TNFRSF11A: variants seen among roughly 807,000 people sequenced by gnomAD.
TNFRSF11A encodes the protein TNF receptor superfamily member 11a, also known as tumor necrosis factor receptor superfamily member 11A.
TNFRSF11A carries 32 observed loss-of-function variants against 55.7 expected under a neutral mutation model. The ratio of observed to expected loss-of-function variants is 0.57; its 90% CI spans 0.43 to 0.77. The LOEUF (loss-of-function observed/expected upper bound fraction) is 0.77. Ranked by LOEUF, TNFRSF11A falls within the 30% of genes least tolerant of loss-of-function variation. The pLI, the probability that TNFRSF11A is intolerant of heterozygous loss-of-function variation, is 0.00. For missense variants in TNFRSF11A, 753 were observed against 809.8 expected (o/e 0.93, Z 0.85); for synonymous variants, 311 against 331.0 (o/e 0.94, Z 0.65).
chr18:62,331,747 C>T (rs1283305882), intron 1 of TNFRSF11A, among the ~76,000 whole-genome samples: 1 of 152,224 alleles, frequency 6.6e-6, no homozygotes, highest in East Asian at 1.9e-4. Flanking sequence ...TTATGTTGGA[C>T]CAAGAGCTGC....
At chr18:62,375,085 G>GTTT (rs1280672002) in intron 9 of TNFRSF11A, among the ~76,000 whole-genome samples, 1 of 57,972 alleles carries the variant, frequency 1.7e-5, no homozygotes. Context: ...TTGTGTGTGT[G>GTTT]TTTTTTTTTT....
intron 2 of TNFRSF11A, among the ~76,000 whole-genome samples, chr18:62,348,869 C>A (rs1209505299): frequency 6.6e-6 from 1 of 152,166 alleles, no homozygotes; most frequent in Non-Finnish European, 1.5e-5. Flanking sequence ...TTGGATATTT[C>A]AGCTACAATT....
At chr18:62,384,258 C>CTCCTCTCCTCCTCCTCCTCT (rs1010100232) in intron 9 of TNFRSF11A, among the ~76,000 whole-genome samples, 1 of 151,018 alleles carries the variant, frequency 6.6e-6, no homozygotes, top group Non-Finnish European at 1.5e-5. Context: ...TTTTCTGTTC[C>CTCCTCTCCTCCTCCTCCTCT]TCCTCTCCTC....
At chr18:62,329,887 C>T (rs904316048) in intron 1 of TNFRSF11A, among the ~76,000 whole-genome samples, 1 of 152,170 alleles carries the variant, frequency 6.6e-6, no homozygotes, top group Non-Finnish European at 1.5e-5. Context: ...TGTGCTCTCA[C>T]GCCAAGAAGC....
intron 2 of TNFRSF11A, 140 bp downstream of exon 2, chr18:62,348,389 A>G: frequency 2.7e-6 from 2 of 743,758 alleles, no homozygotes; most frequent in South Asian, 1.5e-5. Flanking sequence ...TGTCACTCTG[A>G]AGACAAAAAT....
rs1049715365 is a variant in TNFRSF11A at position 62,386,070 on chromosome 18, C to T, written c.*1036C>T. 1.3e-5 allele frequency: 2 copies of T among 152,142 alleles called. No individual in the cohort carries two copies. The highest frequency in any genetic ancestry group is 6.5e-5 in the Admixed American group (1 of 15,274). The allele number at this position is 152,142 out of a possible 1,614,324, so 9.4% of individuals were successfully genotyped here. On this transcript the variant is annotated 3_prime_UTR_variant, in exon 10 of 10. Transcript: ENST00000586569. The stretch of plus-strand genomic sequence containing the variant: ...ACTAAGCTCAGTATGTGACCTTACC[C>T]GCTAGGTGGTTAATTTATCCATGCT...
Position 62,359,944 on chromosome 18 carries a change from T to C in TNFRSF11A, c.522-11T>C. ...TAAAACCAAAGCACTGAACCACCTT[T>C]TCCCCCACAGCTGTACCTTCCTTGG... is the stretch of plus-strand genomic sequence containing the variant. On this transcript the variant is annotated splice_polypyrimidine_tract_variant and intron_variant, in intron 5 of 9. Transcript: ENST00000586569. 6.2e-7 allele frequency: 1 copy of C among 1,612,786 alleles called. No individual in the cohort carries two copies. Among genetic ancestry groups the C allele is most frequent in the East Asian group, 2.2e-5 (1 of 44,870 alleles).
intron 9 of TNFRSF11A, among the ~76,000 whole-genome samples, chr18:62,371,583 G>A (rs531040271): frequency 6.6e-6 from 1 of 152,234 alleles, no homozygotes; most frequent in Non-Finnish European, 1.5e-5. Context: ...TCTTCGTCTG[G>A]TGCTTAGCCA....
chr18:62,374,008 T>A (rs1282887283), intron 9 of TNFRSF11A: 1 of 152,250 alleles, frequency 6.6e-6, no homozygotes, highest in African/African-American at 2.4e-5. Context: ...ACACTCTTGT[T>A]AGAATGCCGT....
At chr18:62,346,911 C>T (rs1015882676) in intron 1 of TNFRSF11A, among the ~76,000 whole-genome samples, 11 of 152,244 alleles carry the variant, frequency 7.2e-5, no homozygotes, top group African/African-American at 2.4e-4. Flanking sequence ...AGGTCTCTTA[C>T]TGCCTCCCAA....
chr18:62,382,301 G>T (rs1437162369), intron 9 of TNFRSF11A, among the ~76,000 whole-genome samples: 1 of 151,768 alleles, frequency 6.6e-6, no homozygotes, highest in African/African-American at 2.4e-5. Context: ...AGTAGAAACG[G>T]GGTTTCGCCA....
chr18:62,375,993 T>C (rs1160663732), intron 9 of TNFRSF11A, among the ~76,000 whole-genome samples: 1 of 152,202 alleles, frequency 6.6e-6, no homozygotes. Flanking sequence ...CAAGTGATGC[T>C]GATTTCATTT....
chr18:62,350,706 C>G (rs906446551), intron 3 of TNFRSF11A, among the ~76,000 whole-genome samples: 3 of 152,190 alleles, frequency 2.0e-5, no homozygotes, highest in African/African-American at 7.2e-5. Context: ...TTTTCCTAAA[C>G]TATAAATATT....
intron 9 of TNFRSF11A, among the ~76,000 whole-genome samples, chr18:62,370,811 A>G (rs577258039): frequency 3.0e-4 from 44 of 145,244 alleles, no homozygotes; most frequent in African/African-American, 9.2e-4. Flanking sequence ...GCATTGTTCT[A>G]TTTCTTTTCT....
Position 62,358,725 on chromosome 18 carries a change from C to T in TNFRSF11A, c.521+384C>T, listed in dbSNP as rs558948498. Among the ~76,000 whole-genome samples, 4 of 152,246 alleles carry T rather than the reference C, an allele frequency of 2.6e-5. No individual in the cohort carries two copies. In the South Asian group the frequency reaches 8.3e-4, roughly 32 times the overall value. On this transcript the variant is annotated intron_variant, in intron 5 of 9. Transcript: ENST00000586569. ...GTGTGTGTGTACATATAGAAGCCTC[C>T]TGTTTATATAAATGTTTGCATGCTG...
chr18:62,364,954 T>C (rs1909969792), intron 7 of TNFRSF11A, among the ~76,000 whole-genome samples: 2 of 152,118 alleles, frequency 1.3e-5, no homozygotes, highest in African/African-American at 4.8e-5. Flanking sequence ...TCGGTTTTGT[T>C]TTTTATTGTT....
intron 9 of TNFRSF11A, among the ~76,000 whole-genome samples, chr18:62,370,687 T>C (rs1215337421): frequency 2.0e-5 from 3 of 152,164 alleles, no homozygotes; most frequent in South Asian, 2.1e-4. Flanking sequence ...GGAGGAGATA[T>C]GTTTGGGGAT....
intron 1 of TNFRSF11A, among the ~76,000 whole-genome samples, chr18:62,329,069 C>G (rs1331085708): frequency 6.6e-6 from 1 of 152,148 alleles, no homozygotes; most frequent in Non-Finnish European, 1.5e-5. Flanking sequence ...ACTTCATCTG[C>G]CATGTCAATA....
intron 3 of TNFRSF11A, 78 bp from the exon 4 acceptor site, chr18:62,354,313 T>C: frequency 2.1e-6 from 3 of 1,458,220 alleles, no homozygotes; most frequent in Non-Finnish European, 2.7e-6. Flanking sequence ...GGCTGGATGT[T>C]GGATAGCGCA....
Sources: allele counts gnomAD v4.1 joint callset (sites outside exome capture counted in the v4.1 genomes callset), GRCh38; gene constraint gnomAD v4.1.1; transcripts MANE v1.5; gene names NCBI Gene and HGNC (gene_info 2026-07-23, HGNC 2026-07-21).